CENPU: variants seen among roughly 807,000 people sequenced by gnomAD.
The protein encoded by CENPU is centromere protein U.
A neutral mutation model predicts 56.7 loss-of-function variants in CENPU; 46 were observed. The ratio of observed to expected loss-of-function variants is 0.81; its 90% CI spans 0.64 to 1.04. The LOEUF (loss-of-function observed/expected upper bound fraction) is 1.04. CENPU is among the 50% of genes least tolerant of loss of function. The pLI is 0.00. For missense variants in CENPU, 510 were observed against 490.1 expected (o/e 1.04, Z -0.38); for synonymous variants, 166 against 163.0 (o/e 1.02, Z -0.14).
intron 1 of CENPU, among the ~76,000 whole-genome samples, chr4:184,731,881 C>CTGTGTGTGTGTGTGTGTG (rs1491100516): frequency 1.6e-3 from 40 of 25,576 alleles, no homozygotes; most frequent in Middle Eastern, 0.036. Context: ...TACTCATGTG[C>CTGTGTGTGTGTGTGTGTG]TCTGTGTGTG....
intron 3 of CENPU, among the ~76,000 whole-genome samples, chr4:184,726,972 G>T (rs1005891391): frequency 2.5e-5 from 2 of 81,260 alleles, no homozygotes; most frequent in Non-Finnish European, 5.9e-5. Context: ...GGTCCTGGGG[G>T]GTGGGGGGGG....
At chr4:184,729,134 G>T in intron 2 of CENPU, 99 bp from the exon 3 acceptor site, 1 of 923,988 alleles carries the variant, frequency 1.1e-6, no homozygotes, top group Non-Finnish European at 1.7e-6. Context: ...GCTGCCTAAG[G>T]AAGCAATCCT....
chr4:184,702,080 A>G lies in CENPU; in HGVS notation c.924+9T>C. On this transcript the variant is annotated intron_variant, in intron 10 of 12. Coordinates refer to ENST00000281453, the MANE Select transcript of CENPU (RefSeq NM_024629.4). ...TGACTCTATGACTCTAATCACATAA[A>G]TAATTTACCTTAGCATTCTTCCTTT... 2 of 1,588,748 alleles carry G rather than the reference A, an allele frequency of 1.3e-6. No individual in the cohort carries two copies. Among genetic ancestry groups the G allele is most frequent in the South Asian group, 1.1e-5 (1 of 90,136 alleles).
rs186096197 is a variant in CENPU, at chr4:184,703,771, T to C, written c.798-1330A>G. 1.7e-3 allele frequency among the ~76,000 whole-genome samples: 265 copies of C among 152,282 alleles called. 2 individuals carry two copies. Among genetic ancestry groups the C allele is most frequent in the African/African-American group, 3.6e-3 (151 of 41,554 alleles). On this transcript the variant is annotated intron_variant, in intron 8 of 12. Coordinates refer to ENST00000281453, the MANE Select transcript of CENPU (RefSeq NM_024629.4). ...AAGGTGGGAACAACTCAAGTGTCCA[T>C]TGATAGATGAATGGATAAAGGAAAT...
At chr4:184,698,896 G>A (rs1461212174) in intron 11 of CENPU, among the ~76,000 whole-genome samples, 1 of 152,126 alleles carries the variant, frequency 6.6e-6, no homozygotes, top group Non-Finnish European at 1.5e-5. Flanking sequence ...CCGTAGGCAA[G>A]TTACCTCCCT....
intron 1 of CENPU, among the ~76,000 whole-genome samples, chr4:184,732,486 G>A (rs191689188): frequency 1.3e-5 from 2 of 152,206 alleles, no homozygotes; most frequent in Non-Finnish European, 2.9e-5. Flanking sequence ...CAATTTTATA[G>A]ATGATGATTC....
intron 1 of CENPU, chr4:184,733,361 G>A (rs1012307489): frequency 9.1e-6 from 9 of 987,660 alleles, no homozygotes; most frequent in Non-Finnish European, 1.1e-5. Context: ...TCGTCTTGGC[G>A]TATGGCTTTG....
intron 11 of CENPU, chr4:184,698,025 T>C (rs192649244): frequency 4.3e-6 from 2 of 470,534 alleles, no homozygotes; most frequent in East Asian, 3.8e-5. Context: ...AGCAGTGATA[T>C]CCACAGAAGA....
intron 7 of CENPU, among the ~76,000 whole-genome samples, chr4:184,711,577 CTAACTATTT>C (rs1349012220): frequency 6.6e-6 from 1 of 152,048 alleles, no homozygotes; most frequent in African/African-American, 2.4e-5. Context: ...CTAGCCTCCC[CTAACTATTT>C]TAAATTTATT....
Position 184,715,434 on chromosome 4 carries a change from TTC to T in CENPU, c.618+961_618+962del, listed in dbSNP as rs369200238. 3.5e-4 allele frequency among the ~76,000 whole-genome samples: 53 copies of T among 152,276 alleles called. No homozygotes were observed. The East Asian group carries it at 4.2e-3, about 12-fold the overall frequency. ...TCAAGGTGATTCTCCTGCTACAACC[TTC>T]TGAGTAGCTGCGATTACAGGCACGC... On this transcript the variant is annotated intron_variant, in intron 6 of 12. Coordinates refer to ENST00000281453, the MANE Select transcript of CENPU (RefSeq NM_024629.4).
At position 184,694,340 on chromosome 4, in the gene CENPU, C is replaced by A; in HGVS notation, c.*948G>T. The A allele has an allele frequency of 7.2e-7, 1 of 1,379,510 alleles. No individual in the cohort carries two copies. 85.5% of individuals were successfully genotyped at this position (1,379,510 alleles called of 1,614,324 possible). A position where few individuals can be genotyped will look rare whatever the true frequency, so the allele number is the denominator to read the frequency against. ...CAAGTGTGTCTGAGCTTCAGTGCAG[C>A]AACGTTTGAATCAGTGCACTCATTC... is the stretch of plus-strand genomic sequence containing the variant. On this transcript the variant is annotated 3_prime_UTR_variant, in exon 13 of 13. Coordinates refer to ENST00000281453, the MANE Select transcript of CENPU (RefSeq NM_024629.4).
At chr4:184,705,845 A>G (rs114449322) in intron 8 of CENPU, among the ~76,000 whole-genome samples, 71 of 152,346 alleles carry the variant, frequency 4.7e-4, no homozygotes, top group South Asian at 2.1e-3. Context: ...TAAGTGAAAT[A>G]AGCCAGTCAC....
chr4:184,723,515 A>C (rs1302584593), intron 4 of CENPU, among the ~76,000 whole-genome samples: 1 of 152,168 alleles, frequency 6.6e-6, no homozygotes. Context: ...CACGTTTTCC[A>C]AATGTATGAC....
At chr4:184,725,141 G>A in intron 3 of CENPU, 79 bp from the exon 4 acceptor site, 2 of 771,824 alleles carry the variant, frequency 2.6e-6, no homozygotes, top group South Asian at 3.9e-5. Context: ...CCTTACAATG[G>A]AGTACAAAAC....
intron 8 of CENPU, among the ~76,000 whole-genome samples, chr4:184,708,517 T>C (rs937167499): frequency 6.6e-6 from 1 of 150,496 alleles, no homozygotes; most frequent in Non-Finnish European, 1.5e-5. Context: ...CTCAATATAG[T>C]GAAATTTAAG....
intron 4 of CENPU, among the ~76,000 whole-genome samples, chr4:184,720,402 A>T (rs62339918): frequency 0.026 from 3,923 of 152,290 alleles, 57 homozygotes; most frequent in Non-Finnish European, 0.038. Flanking sequence ...AAAAGCTTCA[A>T]AAGGGCAAAT....
chr4:184,729,644 T>C (rs1761571079), intron 2 of CENPU, among the ~76,000 whole-genome samples: 1 of 152,226 alleles, frequency 6.6e-6, no homozygotes, highest in Admixed American at 6.5e-5. Context: ...ATGGGCCAGT[T>C]TGCCTAAACC....
chr4:184,705,132 A>C (rs1305088379), intron 8 of CENPU, among the ~76,000 whole-genome samples: 1 of 152,236 alleles, frequency 6.6e-6, no homozygotes, highest in Non-Finnish European at 1.5e-5. Flanking sequence ...CCAAATGTTT[A>C]CAGCACTGTG....
In CENPU at chr4:184,716,545, A is replaced by G. The variant is rs6552804; in HGVS notation, c.470T>C (p.Ile157Thr). The G allele has an allele frequency of 0.15, 247,224 of 1,613,722 alleles. 20,260 individuals are homozygous for G. The highest frequency in any genetic ancestry group is 0.27 in the African/African-American group (20,006 of 74,896). Residue 157 changes from isoleucine (I) to threonine (T), a missense_variant, in exon 6 of 13, where the codon ATA becomes ACA. Ile to Thr is a moderately conservative substitution (Grantham distance 89, BLOSUM62 -1). Coordinates refer to ENST00000281453, the MANE Select transcript of CENPU (RefSeq NM_024629.4). ...TRRKVKSAEK[I>T]STQRHEVIRT... The stretch of plus-strand genomic sequence containing the variant: ...AATAACCTCATGACGTTGTGTACTT[A>G]TTTTCTCTGCTGATTTAACTTTTCT...
Sources: allele counts gnomAD v4.1 joint callset (sites outside exome capture counted in the v4.1 genomes callset), GRCh38; gene constraint gnomAD v4.1.1; transcripts MANE v1.5; gene names NCBI Gene and HGNC (gene_info 2026-07-23, HGNC 2026-07-21).